The following CA5A variants were observed in gnomAD, a reference collection of about 807,000 sequenced individuals.
CA5A encodes carbonic anhydrase 5A, also known as carbonic anhydrase 5A, mitochondrial.
Under a neutral mutation model 37.1 loss-of-function variants are expected in CA5A, and 28 were observed. The observed-to-expected ratio is 0.75, with a 90% CI of 0.56 to 1.03. The LOEUF is 1.03. CA5A is among the 50% of genes least tolerant of loss of function. The probability of loss-of-function intolerance (pLI) is 0.00; values close to 1 mark genes in which losing one functional copy is unlikely to be tolerated. For missense variants in CA5A, 444 were observed against 399.9 expected, an observed-to-expected ratio of 1.11 and a Z score of -0.94; for synonymous variants, 171 against 158.4, an observed-to-expected ratio of 1.08 and a Z score of -0.60.
intron 2 of CA5A, among the ~76,000 whole-genome samples, chr16:87,921,135 G>A (rs894940295): frequency 4.0e-5 from 6 of 151,836 alleles, no homozygotes; most frequent in African/African-American, 1.5e-4. Flanking sequence ...CACCATATTG[G>A]CCAGTCTGGT....
chr16:87,930,197 T>G (rs1218999872), intron 1 of CA5A, among the ~76,000 whole-genome samples: 2 of 152,188 alleles, frequency 1.3e-5, no homozygotes, highest in African/African-American at 4.8e-5. Flanking sequence ...TGCATTCCCG[T>G]GCTCCGACAG....
chr16:87,913,662 T>C lies in CA5A; in HGVS notation c.341-8758A>G, dbSNP rs771862163. Among the ~76,000 whole-genome samples, 740 of 111,380 alleles carry C rather than the reference T, an allele frequency of 6.6e-3. 10 individuals are homozygous for C. Among genetic ancestry groups the C allele is most frequent in the African/African-American group, 0.011 (237 of 21,860 alleles). 73.1% of individuals were successfully genotyped at this position (111,380 alleles called of 152,430 possible). On this transcript the variant is annotated intron_variant, in intron 2 of 6. Transcript: ENST00000649794. ...GAGTGTCTGTGCCGTGGCCCCCCCCTCCTCTCCAATACGAAGAGCCCACAC... is the reference window on the plus strand; with the variant it reads ...GAGTGTCTGTGCCGTGGCCCCCCCCCCCTCTCCAATACGAAGAGCCCACAC...
intron 2 of CA5A, chr16:87,924,122 C>T (rs1347645024): frequency 1.0e-6 from 1 of 985,294 alleles, no homozygotes; most frequent in African/African-American, 1.7e-5. Context: ...TGGTTTGTGC[C>T]TCCCAAGATC....
chr16:87,893,359 C>T, intron 5 of CA5A: 2 of 414,280 alleles, frequency 4.8e-6, no homozygotes, highest in Non-Finnish European at 9.5e-6. Context: ...GATCTCCTGA[C>T]CTCGTGATCT....
chr16:87,893,588 G>A, intron 5 of CA5A: 1 of 686,902 alleles, frequency 1.5e-6, no homozygotes, highest in South Asian at 1.4e-5. Context: ...CGACCTGCAA[G>A]ACTCACAAGA....
intron 5 of CA5A, among the ~76,000 whole-genome samples, chr16:87,894,950 A>G (rs1012735192): frequency 5.3e-5 from 8 of 152,122 alleles, no homozygotes; most frequent in African/African-American, 1.9e-4. Flanking sequence ...CAACTCTCCC[A>G]TCTAAAGTGT....
At chr16:87,904,321 G>T (rs919610391) in intron 3 of CA5A, among the ~76,000 whole-genome samples, 4 of 150,424 alleles carry the variant, frequency 2.7e-5, no homozygotes, top group African/African-American at 9.9e-5. Context: ...CAGTCTGGGT[G>T]ACAGAGTGAA....
downstream of CA5A, chr16:87,887,141 G>A (rs1028307117): frequency 1.3e-5 from 2 of 152,250 alleles, no homozygotes; most frequent in African/African-American, 4.8e-5. Flanking sequence ...GACCTCAGGT[G>A]GTCTTCCCGC....
In CA5A at chr16:87,911,131, A is replaced by G. The variant is rs1359310238; in HGVS notation, c.341-6227T>C. On this transcript the variant is annotated intron_variant, in intron 2 of 6. Transcript: ENST00000649794. This position sits in a 1 kb window ranked among gnomAD's most constrained non-coding sequence, Gnocchi z 4.6. ...AAAAAAAAAAAAAAAGGCAAGCCCA[A>G]TTCACGAAAAGGGGTCTTTAAGCTG... is the stretch of plus-strand genomic sequence containing the variant. 2.0e-5 allele frequency among the ~76,000 whole-genome samples: 3 copies of G among 149,650 alleles called. No individual in the cohort carries two copies. The highest frequency in any genetic ancestry group is 2.1e-4 in the South Asian group (1 of 4,770).
intron 4 of CA5A, 52 bp from the exon 5 acceptor site, chr16:87,902,026 G>A (rs189218958): frequency 0.019 from 27,890 of 1,483,656 alleles, 302 homozygotes; most frequent in Non-Finnish European, 0.022. Flanking sequence ...GATGGGGGGG[G>A]AAGCTCACTC....
chr16:87,899,863 T>A (rs1325107974), intron 5 of CA5A, among the ~76,000 whole-genome samples: 1 of 128,724 alleles, frequency 7.8e-6, no homozygotes, highest in Non-Finnish European at 1.5e-5. Flanking sequence ...GAGGTTGCAG[T>A]GAGCCGAGGT....
At chr16:87,923,604 C>T (rs969041108) in intron 2 of CA5A, 103 of 985,314 alleles carry the variant, frequency 1.0e-4, no homozygotes, top group Middle Eastern at 5.2e-4. Flanking sequence ...GGACATTAGC[C>T]GGGTGCCTGA....
At chr16:87,910,903 G>C (rs1218797118) in intron 2 of CA5A, among the ~76,000 whole-genome samples, 1 of 151,756 alleles carries the variant, frequency 6.6e-6, no homozygotes, top group Non-Finnish European at 1.5e-5. Flanking sequence ...GCACCCACCA[G>C]CATGCCCAGC....
intron 4 of CA5A, among the ~76,000 whole-genome samples, chr16:87,902,179 C>T (rs940576356): frequency 1.7e-3 from 262 of 151,962 alleles, no homozygotes; most frequent in Non-Finnish European, 2.3e-3. Context: ...TATGGTGAAA[C>T]CCTGTCTCTA....
downstream of CA5A, chr16:87,885,845 G>A (rs1310055746): frequency 6.6e-6 from 1 of 152,252 alleles, no homozygotes. Flanking sequence ...CTCTTCCTGT[G>A]ACTTACCACT....
rs531379066 is a variant in CA5A, at chr16:87,896,539, A to G, written c.619-4585T>C. The stretch of plus-strand genomic sequence containing the variant: ...GAGCACACCAATGAGGCTGAAGACC[A>G]TCACATCCATTATCTGAGCACGGAT... On this transcript the variant is annotated intron_variant, in intron 5 of 6. Transcript: ENST00000649794. Among the ~76,000 whole-genome samples the G allele has an allele frequency of 2.2e-4, 34 of 152,360 alleles. No individual in the cohort carries two copies. In the South Asian group the frequency reaches 6.6e-3, roughly 30 times the overall value.
chr16:87,925,967 A>T lies in CA5A; in HGVS notation c.340+781T>A, dbSNP rs572302708. Among the ~76,000 whole-genome samples the T allele has an allele frequency of 4.3e-4, 65 of 152,318 alleles. No homozygotes were observed. In the Middle Eastern group the frequency reaches 0.017, roughly 40 times the overall value. On this transcript the variant is annotated intron_variant, in intron 2 of 6. Coordinates refer to ENST00000649794, the MANE Select transcript of CA5A (RefSeq NM_001739.2). Reference sequence around the variant, plus strand: ...GCCGGGCGCGGTGGCTCACGCCTGTAACCCCAGCACTTTGGGAGGCCAAGG... The same window carrying T: ...GCCGGGCGCGGTGGCTCACGCCTGTTACCCCAGCACTTTGGGAGGCCAAGG...
In CA5A at chr16:87,904,735, C is replaced by T. The variant is rs139846917; in HGVS notation, c.459+51G>A. ...GCTTGTTCACCCCCCACCATAGAGC[C>T]GGAGACATGGAAAGTGTGCAGATAT... On this transcript the variant is annotated intron_variant, in intron 3 of 6. Transcript: ENST00000649794. 2,923 of 1,131,642 alleles carry T rather than the reference C, an allele frequency of 2.6e-3. 18 individuals are homozygous for T. Among genetic ancestry groups the T allele is most frequent in the South Asian group, 6.9e-3 (556 of 80,718 alleles). The allele number at this position is 1,131,642 out of a possible 1,614,324, so 70.1% of individuals were successfully genotyped here.
At chr16:87,899,800 C>G (rs955399825) in intron 5 of CA5A, among the ~76,000 whole-genome samples, 1 of 150,684 alleles carries the variant, frequency 6.6e-6, no homozygotes, top group Non-Finnish European at 1.5e-5. Flanking sequence ...GGCGCCGGTA[C>G]TTCCAGCTAC....
Sources: gnomAD v4.1 joint callset for allele counts (sites outside exome capture counted in the v4.1 genomes callset) on GRCh38, gnomAD v4.1.1 for gene constraint, Gnocchi (gnomAD v3.1) non-coding constraint, MANE v1.5 for transcripts, NCBI Gene and HGNC (gene_info 2026-07-23, HGNC 2026-07-21) for gene names.